Variants in RGS7 observed in about 807,000 individuals in gnomAD.
RGS7 encodes regulator of G protein signaling 7, also known as regulator of G-protein signaling 7.
In RGS7, 27 loss-of-function variants were observed where a neutral mutation model predicts 81.1. The observed-to-expected ratio is 0.33, with a 90% confidence interval of 0.25 to 0.46. RGS7 has a LOEUF of 0.46. Ranked by LOEUF, RGS7 falls within the 20% of genes least tolerant of loss-of-function variation. The pLI, the probability that RGS7 is intolerant of heterozygous loss-of-function variation, is 1.00. For synonymous variants in RGS7, 208 were observed against 207.7 expected (o/e 1.00, Z -0.01); for missense variants, 396 against 607.4 (o/e 0.65, Z 3.66).
At chr1:241,071,633 T>C (rs930686444) in intron 3 of RGS7, among the ~76,000 whole-genome samples, 1 of 151,720 alleles carries the variant, frequency 6.6e-6, no homozygotes, top group Non-Finnish European at 1.5e-5. Flanking sequence ...AAGACTCCAA[T>C]AAAACACTGT....
intron 3 of RGS7, among the ~76,000 whole-genome samples, chr1:241,052,395 G>A (rs2061297271): frequency 6.6e-6 from 1 of 152,128 alleles, no homozygotes; most frequent in Non-Finnish European, 1.5e-5. Context: ...GATGAAGAGG[G>A]TAGGGAAGGT....
Position 241,157,124 on chromosome 1 carries a change from T to TA in RGS7, c.79-58363dup, listed in dbSNP as rs879562914. 4.6e-3 allele frequency among the ~76,000 whole-genome samples: 664 copies of TA among 142,796 alleles called. 3 individuals are homozygous for TA. Among genetic ancestry groups the TA allele is most frequent in the Middle Eastern group, 7.4e-3 (2 of 272 alleles). 93.7% of individuals were successfully genotyped at this position (142,796 alleles called of 152,430 possible). On this transcript the variant is annotated intron_variant, in intron 2 of 18. Coordinates refer to ENST00000440928, the MANE Select transcript of RGS7 (RefSeq NM_001364886.1). ...ACTTTCTCCAGTTGTCTGGTGGAAT[T>TA]AAAAAAAAAAAAAGACTTTCACTTT...
intron 4 of RGS7, among the ~76,000 whole-genome samples, chr1:240,970,659 G>A (rs1185886874): frequency 6.6e-6 from 1 of 152,090 alleles, no homozygotes; most frequent in Non-Finnish European, 1.5e-5. Flanking sequence ...GAGGCAAGAG[G>A]CCACCAAAAG....
chr1:241,135,988 T>G (rs1477361248), intron 2 of RGS7, among the ~76,000 whole-genome samples: 2 of 152,000 alleles, frequency 1.3e-5, no homozygotes, highest in Admixed American at 6.6e-5. Context: ...TAGTTTGTTA[T>G]TCTAAGAAAG....
intron 2 of RGS7, among the ~76,000 whole-genome samples, chr1:241,285,833 G>A (rs1327082447): frequency 2.6e-5 from 4 of 152,150 alleles, no homozygotes; most frequent in Non-Finnish European, 4.4e-5. Flanking sequence ...ATAGTCCTCA[G>A]GTTACACGCC....
intron 2 of RGS7, among the ~76,000 whole-genome samples, chr1:241,186,690 A>AT (rs965452060): frequency 7.4e-5 from 11 of 148,586 alleles, no homozygotes; most frequent in Non-Finnish European, 7.5e-5. Flanking sequence ...CACCCGGCTA[A>AT]TTTTTTTTTT....
chr1:240,944,234 C>G (rs557959866), intron 4 of RGS7, among the ~76,000 whole-genome samples: 28 of 139,304 alleles, frequency 2.0e-4, no homozygotes, highest in African/African-American at 7.4e-4. Flanking sequence ...ATCAGCCAAT[C>G]CTTTAACAAG....
At chr1:240,962,271 G>C (rs1276973532) in intron 4 of RGS7, among the ~76,000 whole-genome samples, 1 of 152,000 alleles carries the variant, frequency 6.6e-6, no homozygotes, top group Non-Finnish European at 1.5e-5. Flanking sequence ...CCTCTATGTG[G>C]CTGCTGTCAC....
At chr1:241,315,095 T>TTCC (rs1553317154) in intron 2 of RGS7, among the ~76,000 whole-genome samples, 12 of 139,318 alleles carry the variant, frequency 8.6e-5, no homozygotes, top group Non-Finnish European at 1.2e-4. Flanking sequence ...GCTTTTTTTT[T>TTCC]TTCTTCTTCT....
chr1:241,293,827 G>T (rs1262189779), intron 2 of RGS7, among the ~76,000 whole-genome samples: 2 of 152,138 alleles, frequency 1.3e-5, no homozygotes, highest in Non-Finnish European at 2.9e-5. Flanking sequence ...ATAGGAACAC[G>T]TTTACAGTGT....
intron 2 of RGS7, 67 bp from the exon 3 acceptor site, chr1:241,098,829 A>G: frequency 8.5e-7 from 1 of 1,180,220 alleles, no homozygotes; most frequent in Non-Finnish European, 1.2e-6. Flanking sequence ...ATCAGCTCTC[A>G]TAACAATTTT....
intron 2 of RGS7, among the ~76,000 whole-genome samples, chr1:241,272,160 A>AT (rs1246595318): frequency 6.6e-6 from 1 of 151,570 alleles, no homozygotes; most frequent in African/African-American, 2.4e-5. Context: ...CGCCTGGCTA[A>AT]TTTTTTGTAT....
chr1:241,149,358 G>A (rs532403007), intron 2 of RGS7, among the ~76,000 whole-genome samples: 2 of 152,148 alleles, frequency 1.3e-5, no homozygotes, highest in South Asian at 4.2e-4. Context: ...TGTATTTTTT[G>A]TAGAGACGGG....
intron 2 of RGS7, among the ~76,000 whole-genome samples, chr1:241,172,889 A>C (rs2070833808): frequency 6.6e-6 from 1 of 152,352 alleles, no homozygotes; most frequent in Non-Finnish European, 1.5e-5. Context: ...CAAAAAGCAA[A>C]CAATTTTAAG....
chr1:241,112,554 A>G (rs2102958142), intron 2 of RGS7, among the ~76,000 whole-genome samples: 1 of 152,310 alleles, frequency 6.6e-6, no homozygotes, highest in East Asian at 1.9e-4. Flanking sequence ...ACTAAAACTA[A>G]ATATAAGTAT....
At chr1:241,344,870 C>T (rs573223821) in intron 2 of RGS7, among the ~76,000 whole-genome samples, 4 of 152,334 alleles carry the variant, frequency 2.6e-5, no homozygotes, top group Admixed American at 2.0e-4. Context: ...ACCTTGGGCA[C>T]TGTGCTAGGC....
At chr1:240,861,833 G>A (rs1662253637) in intron 9 of RGS7, among the ~76,000 whole-genome samples, 2 of 151,998 alleles carry the variant, frequency 1.3e-5, no homozygotes, top group South Asian at 4.1e-4. Context: ...AAAGTATGGT[G>A]CAGAGGATTG....
intron 2 of RGS7, among the ~76,000 whole-genome samples, chr1:241,355,255 CACAG>C (rs1455252389): frequency 6.6e-6 from 1 of 152,214 alleles, no homozygotes; most frequent in Non-Finnish European, 1.5e-5. Flanking sequence ...CATACATTTA[CACAG>C]ACACAGTCTC....
rs1687988266 is a variant in RGS7 at position 240,801,313 on chromosome 1, C to T, written c.1413+142G>A. On this transcript the variant is annotated intron_variant, in intron 17 of 18. Transcript: ENST00000440928. ...ATGGGACAGAAAGATAAGCAGAAAA[C>T]ATGAAGTTCTGAATTTGAATAAAAG... 7.4e-6 allele frequency: 5 copies of T among 677,988 alleles called. No homozygotes were observed. In the East Asian group the frequency reaches 1.4e-4, roughly 18 times the overall value. 42.0% of individuals were successfully genotyped at this position (677,988 alleles called of 1,614,324 possible).
Sources: allele counts gnomAD v4.1 joint callset (sites outside exome capture counted in the v4.1 genomes callset), GRCh38; gene constraint gnomAD v4.1.1; transcripts MANE v1.5; gene names NCBI Gene and HGNC (gene_info 2026-07-23, HGNC 2026-07-21).